Variants in MRPS28 observed in about 807,000 individuals in gnomAD.
MRPS28 encodes the protein mitochondrial ribosomal protein S28.
A neutral mutation model predicts 10.8 loss-of-function variants in MRPS28; 7 were observed. The ratio of observed to expected loss-of-function variants is 0.65; its 90% CI spans 0.37 to 1.22. The LOEUF is 1.22. MRPS28 is among the 50% of genes most tolerant of loss of function. The pLI is 0.02. For synonymous variants in MRPS28, 121 were observed against 93.3 expected (o/e 1.30, Z -1.71); for missense variants, 265 against 232.9 (o/e 1.14, Z -0.90).
At chr8:80,021,013 T>A (rs1809345096) in intron 1 of MRPS28, among the ~76,000 whole-genome samples, 2 of 152,044 alleles carry the variant, frequency 1.3e-5, no homozygotes, top group Non-Finnish European at 2.9e-5. Context: ...ACACTTTTTT[T>A]TTTTTTTTGA....
chr8:80,003,255 T>C lies in MRPS28; in HGVS notation c.214-75A>G, dbSNP rs1464475404. On this transcript the variant is annotated intron_variant, in intron 1 of 2. Coordinates refer to ENST00000276585, the MANE Select transcript of MRPS28 (RefSeq NM_014018.3). ...TAATAAAGTCTTAAAGAAATTTTCT[T>C]AAAGTCAATTGTTGTAGCAATAATT... 7.0e-6 allele frequency: 8 copies of C among 1,137,054 alleles called. No homozygotes were observed. The African/African-American group carries it at 1.1e-4, about 16-fold the overall frequency. The allele number at this position is 1,137,054 out of a possible 1,614,324, so 70.4% of individuals were successfully genotyped here. A position where few individuals can be genotyped will look rare whatever the true frequency, so the allele number is the denominator to read the frequency against.
intron 1 of MRPS28, among the ~76,000 whole-genome samples, chr8:80,007,869 T>C (rs1808901081): frequency 6.6e-6 from 1 of 152,150 alleles, no homozygotes; most frequent in Non-Finnish European, 1.5e-5. Context: ...ATAGATTCAA[T>C]GCCATCCCCA....
intron 1 of MRPS28, chr8:80,028,648 G>GCGGGAGGGGGGGGGGC (rs1554575886): frequency 2.0e-5 from 2 of 98,120 alleles, no homozygotes; most frequent in African/African-American, 9.1e-5. Context: ...CAGAAGACGG[G>GCGGGAGGGGGGGGGGC]CGGGGGGGGC....
intron 2 of MRPS28, among the ~76,000 whole-genome samples, chr8:79,925,075 A>G (rs1045779918): frequency 6.6e-6 from 1 of 152,160 alleles, no homozygotes; most frequent in Admixed American, 6.5e-5. Context: ...GGGTGTTCAA[A>G]AAGTTCTACT....
intron 2 of MRPS28, among the ~76,000 whole-genome samples, chr8:79,948,068 A>G (rs1806972106): frequency 6.7e-6 from 1 of 149,374 alleles, no homozygotes; most frequent in Non-Finnish European, 1.5e-5. Flanking sequence ...GCTCACTGCA[A>G]CCTCTACCTC....
chr8:79,937,596 T>C (rs764691617), intron 2 of MRPS28, among the ~76,000 whole-genome samples: 9 of 152,314 alleles, frequency 5.9e-5, no homozygotes, highest in Non-Finnish European at 1.2e-4. Flanking sequence ...ATTTGTGTAA[T>C]TGTGTGTGCA....
At chr8:80,028,407 G>C (rs1232643077) in intron 1 of MRPS28, among the ~76,000 whole-genome samples, 2 of 151,844 alleles carry the variant, frequency 1.3e-5, no homozygotes, top group Admixed American at 6.6e-5. Flanking sequence ...GGTGGCTTCA[G>C]GTCAATCATC....
intron 2 of MRPS28, among the ~76,000 whole-genome samples, chr8:79,938,850 TCAAA>T (rs771025071): frequency 6.6e-6 from 1 of 152,140 alleles, no homozygotes; most frequent in African/African-American, 2.4e-5. Context: ...CCCAATTTGA[TCAAA>T]CAAATAAATG....
At chr8:79,969,504 T>C (rs1807576758) in intron 2 of MRPS28, among the ~76,000 whole-genome samples, 1 of 152,122 alleles carries the variant, frequency 6.6e-6, no homozygotes, top group African/African-American at 2.4e-5. Flanking sequence ...CAAGAAATCC[T>C]GTAGACTTTT....
At chr8:79,994,942 C>G (rs754671872) in intron 2 of MRPS28, among the ~76,000 whole-genome samples, 4 of 152,156 alleles carry the variant, frequency 2.6e-5, no homozygotes, top group Non-Finnish European at 4.4e-5. Context: ...CCCAGAAACA[C>G]TCTCACTTTC....
At chr8:80,012,332 T>C (rs907784913) in intron 1 of MRPS28, among the ~76,000 whole-genome samples, 1 of 152,242 alleles carries the variant, frequency 6.6e-6, no homozygotes, top group Non-Finnish European at 1.5e-5. Flanking sequence ...TCAAAAATCA[T>C]AGTCTAGAAC....
intron 2 of MRPS28, among the ~76,000 whole-genome samples, chr8:79,984,298 C>A (rs1433466818): frequency 6.6e-6 from 1 of 152,186 alleles, no homozygotes; most frequent in Non-Finnish European, 1.5e-5. Context: ...AAGGAACAAC[C>A]AGTACTAGCT....
At chr8:80,019,906 A>G (rs770930839) in intron 1 of MRPS28, among the ~76,000 whole-genome samples, 2 of 152,234 alleles carry the variant, frequency 1.3e-5, no homozygotes, top group Non-Finnish European at 2.9e-5. Context: ...TGCCAAGGTT[A>G]AGGACACGCC....
chr8:79,993,750 C>G (rs1808424805), intron 2 of MRPS28, among the ~76,000 whole-genome samples: 2 of 152,034 alleles, frequency 1.3e-5, no homozygotes, highest in African/African-American at 2.4e-5. Context: ...GTTCCATGTC[C>G]TCTGCAATAA....
At chr8:79,924,483 T>A (rs1810181890) in intron 2 of MRPS28, among the ~76,000 whole-genome samples, 1 of 152,198 alleles carries the variant, frequency 6.6e-6, no homozygotes, top group African/African-American at 2.4e-5. Context: ...CTTCTTTAAA[T>A]AAACTGTCTG....
intron 1 of MRPS28, among the ~76,000 whole-genome samples, chr8:80,010,842 A>G (rs1809020107): frequency 6.6e-6 from 1 of 152,240 alleles, no homozygotes; most frequent in Non-Finnish European, 1.5e-5. Flanking sequence ...CAGGGAAAAA[A>G]TCCTTAGCAC....
intron 1 of MRPS28, among the ~76,000 whole-genome samples, chr8:80,027,195 T>C (rs187837412): frequency 6.6e-6 from 1 of 152,212 alleles, no homozygotes; most frequent in Non-Finnish European, 1.5e-5. Flanking sequence ...AAGAAACGGC[T>C]GGGGCCACAT....
At chr8:79,972,327 G>C (rs904742742) in intron 2 of MRPS28, among the ~76,000 whole-genome samples, 1 of 152,060 alleles carries the variant, frequency 6.6e-6, no homozygotes, top group African/African-American at 2.4e-5. Flanking sequence ...GTGGGGTCCT[G>C]GAACTAATCC....
intron 2 of MRPS28, among the ~76,000 whole-genome samples, chr8:79,942,387 T>C (rs1332326738): frequency 2.0e-5 from 3 of 152,202 alleles, no homozygotes; most frequent in East Asian, 3.8e-4. Context: ...TACCTCAAGA[T>C]GGCTGTTTCA....
Sources: gnomAD v4.1 joint callset for allele counts (sites outside exome capture counted in the v4.1 genomes callset) on GRCh38, gnomAD v4.1.1 for gene constraint, MANE v1.5 for transcripts, NCBI Gene and HGNC (gene_info 2026-07-23, HGNC 2026-07-21) for gene names.